Variants in TCF3 observed in about 807,000 individuals in gnomAD.
TCF3 encodes the protein transcription factor E2-alpha.
A neutral mutation model predicts 72.3 loss-of-function variants in TCF3; 54 were observed. The ratio of observed to expected loss-of-function variants is 0.75; its 90% CI spans 0.60 to 0.94. TCF3 has a LOEUF of 0.94. TCF3 is among the 40% of genes least tolerant of loss of function. The pLI is 0.00. For missense variants in TCF3, 1,078 were observed against 934.4 expected (o/e 1.15, Z -2.00); for synonymous variants, 525 against 412.6 (o/e 1.27, Z -3.30).
At position 1,650,202 on chromosome 19, in the gene TCF3, A is replaced by G. The variant is rs2066798734; in HGVS notation, c.47T>C (p.Leu16Pro). 2 of 1,573,294 alleles carry G rather than the reference A, an allele frequency of 1.3e-6. No homozygotes were observed. Among genetic ancestry groups the G allele is most frequent in the African/African-American group, 1.3e-5 (1 of 74,700 alleles). The part of the protein sequence containing the change: ...RMAPVGTDKE[L>P]SDLLDFSMMF... ...CATGCTGAAGTCCAGGAGGTCACTGAGCTCCTTGTCTGTGCCCACAGGCGC... is the reference window on the plus strand; with the variant it reads ...CATGCTGAAGTCCAGGAGGTCACTGGGCTCCTTGTCTGTGCCCACAGGCGC... The change falls in exon 2 of 19, where the codon CTC becomes CCC. Residue 16 changes from leucine to proline, a missense_variant. Physicochemically the swap from Leu to Pro is moderately conservative, Grantham distance 98. Transcript: ENST00000262965.
rs370087169 is a variant in TCF3 at position 1,622,139 on chromosome 19, G to A, written c.737C>T (p.Pro246Leu). 551 of 1,588,250 alleles carry A rather than the reference G, an allele frequency of 3.5e-4. 2 individuals carry two copies. The highest frequency in any genetic ancestry group is 2.3e-3 in the Middle Eastern group (13 of 5,646). ...FGPMLGGGSS[P>L]LPLPPGSGPV... is the part of the protein sequence containing the mutation. ...GCCGCTACCGGGCGGGAGGGGCAGC[G>A]GGGATGAGCCCCCACCCAGCATGGG... The change falls in exon 10 of 19, where the codon CCG (proline) becomes CTG (leucine). Residue 246 changes from proline (P) to leucine (L), a missense_variant. Physicochemically the swap from Pro to Leu is moderately conservative, Grantham distance 98. Transcript: ENST00000262965.
intron 18 of TCF3, among the ~76,000 whole-genome samples, chr19:1,613,225 G>A (rs969321319): frequency 1.3e-5 from 2 of 152,190 alleles, no homozygotes; most frequent in African/African-American, 2.4e-5. Flanking sequence ...CTGGAATGCA[G>A]CAGAGCCCCA....
chr19:1,644,300 G>A (rs1014143212), intron 3 of TCF3, among the ~76,000 whole-genome samples: 6 of 152,222 alleles, frequency 3.9e-5, no homozygotes, highest in Admixed American at 6.5e-5. Context: ...GGGAGTGGAG[G>A]CAATGAGGAG....
intron 3 of TCF3, among the ~76,000 whole-genome samples, chr19:1,636,429 G>T (rs1040906445): frequency 2.6e-5 from 4 of 152,080 alleles, no homozygotes; most frequent in Admixed American, 2.6e-4. Context: ...CCAAAGTGCT[G>T]GGATTACAGG....
rs960965061 is a variant in TCF3 at position 1,622,146 on chromosome 19, A to G, written c.730T>C (p.Ser244Pro). The G allele has an allele frequency of 1.9e-6, 3 of 1,584,686 alleles. No individual in the cohort carries two copies. The highest frequency in any genetic ancestry group is 1.8e-4 in the Middle Eastern group (1 of 5,614). Residue 244 changes from serine to proline, a missense_variant, in exon 10 of 19, where the codon TCA becomes CCA. Coordinates refer to ENST00000262965, the MANE Select transcript of TCF3 (RefSeq NM_003200.5). ...AGFGPMLGGG[S>P]SPLPLPPGSG... is the part of the protein sequence containing the mutation. ...CCGGGCGGGAGGGGCAGCGGGGATG[A>G]GCCCCCACCCAGCATGGGCCCGAAG... is the stretch of plus-strand genomic sequence containing the variant.
Position 1,632,151 on chromosome 19 carries a change from G to A in TCF3, c.220-35C>T, listed in dbSNP as rs778356457. ...ATGGGGTGGGGATGAGAGGTGCTGG[G>A]GCTTCACAGGCCCCCCCTCCACCCC... On this transcript the variant is annotated intron_variant, in intron 4 of 18. Transcript: ENST00000262965. 5.0e-6 allele frequency: 8 copies of A among 1,601,640 alleles called. No individual in the cohort carries two copies. In the East Asian group the frequency reaches 9.1e-5, roughly 18 times the overall value.
At chr19:1,640,693 T>C (rs2065109208) in intron 3 of TCF3, among the ~76,000 whole-genome samples, 1 of 151,600 alleles carries the variant, frequency 6.6e-6, no homozygotes, top group Non-Finnish European at 1.5e-5. Flanking sequence ...TAGTCCCAGC[T>C]ACTAGGGAGG....
In TCF3 at chr19:1,615,394, C is replaced by A; in HGVS notation, c.1713G>T (p.Glu571Asp). Residue 571 changes from glutamate to aspartate, a missense_variant, in exon 18 of 19, where the codon GAG becomes GAT. Glu to Asp is a conservative substitution (Grantham distance 45). Transcript: ENST00000262965. The surrounding 1 kb of genome is among the most constrained non-coding windows in gnomAD (Gnocchi z 7.3). ...GGTGCAGTTGGCACATGCGCCCCAG[C>A]TCCTTAAAGGCCTCGTTGATGTCAC... Reference protein sequence around the residue: ...RVRDINEAFKELGRMCQLHLN... With the variant: ...RVRDINEAFKDLGRMCQLHLN... 1 of 1,614,092 alleles carries A rather than the reference C, an allele frequency of 6.2e-7. No individual in the cohort carries two copies. Among genetic ancestry groups the A allele is most frequent in the East Asian group, 2.2e-5 (1 of 44,876 alleles).
chr19:1,651,528 G>A (rs1045566647), intron 1 of TCF3, among the ~76,000 whole-genome samples: 1 of 152,230 alleles, frequency 6.6e-6, no homozygotes, highest in African/African-American at 2.4e-5. Flanking sequence ...TTGGGGGGGT[G>A]GCGAGCTAAA....
At chr19:1,625,983 C>A (rs79523239) in intron 6 of TCF3, among the ~76,000 whole-genome samples, 4 of 152,218 alleles carry the variant, frequency 2.6e-5, no homozygotes, top group African/African-American at 9.6e-5. Flanking sequence ...GATTCTGAGA[C>A]GCAAAGTACA....
At position 1,632,343 on chromosome 19, in the gene TCF3, C is replaced by G; in HGVS notation, c.208G>C (p.Asp70His). Reference sequence around the variant, plus strand: ...ACGGGGACTCCTACCCGGCTGGGGTCAAAGGAGGAGCTGCTCTGGTCGCCG... The same window carrying G: ...ACGGGGACTCCTACCCGGCTGGGGTGAAAGGAGGAGCTGCTCTGGTCGCCG... ...GSGDQSSSSF[D>H]PSRTFSEGTH... is the part of the protein sequence containing the mutation. Residue 70 changes from aspartate (D) to histidine (H), a missense_variant, in exon 4 of 19, where the codon GAC becomes CAC. Asp to His is a moderately conservative substitution (Grantham distance 81). Transcript: ENST00000262965. 6.3e-7 allele frequency: 1 copy of G among 1,588,748 alleles called. No individual in the cohort carries two copies. Among genetic ancestry groups the G allele is most frequent in the Non-Finnish European group, 8.6e-7 (1 of 1,167,764 alleles).
chr19:1,619,714 C>T, intron 14 of TCF3, 66 bp downstream of exon 14: 1 of 1,342,666 alleles, frequency 7.4e-7, no homozygotes, highest in Non-Finnish European at 1.0e-6. Flanking sequence ...GTTTCTCCTT[C>T]TCAAGGAGCG....
In TCF3 at chr19:1,615,612, G is replaced by A. The variant is rs776399176; in HGVS notation, c.1586+74C>T. 82 of 1,609,464 alleles carry A rather than the reference G, an allele frequency of 5.1e-5. No homozygotes were observed. The highest frequency in any genetic ancestry group is 4.9e-4 in the Middle Eastern group (3 of 6,070). ...GCCGACGGCCTCCCAGTGTGGGTGC[G>A]GTGTGCGTGTGGCCTGTGCACATGT... On this transcript the variant is annotated intron_variant, in intron 17 of 18. Transcript: ENST00000262965. The surrounding 1 kb of genome is among the most constrained non-coding windows in gnomAD (Gnocchi z 7.3).
chr19:1,637,547 T>C (rs1023144158), intron 3 of TCF3, among the ~76,000 whole-genome samples: 1 of 151,888 alleles, frequency 6.6e-6, no homozygotes, highest in Non-Finnish European at 1.5e-5. Context: ...CTTGCTTCCA[T>C]GTCTATGGGC....
rs1427937196 is a variant in TCF3, at chr19:1,610,301, G to A, written c.*1406C>T. 1 of 232,012 alleles carries A rather than the reference G, an allele frequency of 4.3e-6. No individual in the cohort carries two copies. Among genetic ancestry groups the A allele is most frequent in the African/African-American group, 2.2e-5 (1 of 45,224 alleles). The allele number at this position is 232,012 out of a possible 1,614,324, so 14.4% of individuals were successfully genotyped here. A position where few individuals can be genotyped will look rare whatever the true frequency, so the allele number is the denominator to read the frequency against. On this transcript the variant is annotated 3_prime_UTR_variant, in exon 19 of 19. Coordinates refer to ENST00000262965, the MANE Select transcript of TCF3 (RefSeq NM_003200.5). Reference sequence around the variant, plus strand: ...GCCACTCTTGCCCTTGGACCACACAGAGGGAGGGCAGCAGGTGTGGCCCCA... The same window carrying A: ...GCCACTCTTGCCCTTGGACCACACAAAGGGAGGGCAGCAGGTGTGGCCCCA...
chr19:1,652,033 G>C (rs1268041224), intron 1 of TCF3, among the ~76,000 whole-genome samples: 2 of 150,214 alleles, frequency 1.3e-5, no homozygotes, highest in Non-Finnish European at 3.0e-5. Flanking sequence ...GCCCCCGCCC[G>C]GGGCTGCTTA....
chr19:1,619,758 G>GTGGGA (rs1568358295), intron 14 of TCF3, 22 bp downstream of exon 14: 5 of 1,541,882 alleles, frequency 3.2e-6, no homozygotes, highest in South Asian at 1.2e-5. Context: ...GAAGGGTGGG[G>GTGGGA]TGGGGCGGGG....
chr19:1,646,486 C>A (rs922648371), intron 2 of TCF3, 59 bp from the exon 3 acceptor site: 3 of 1,495,754 alleles, frequency 2.0e-6, no homozygotes, highest in Non-Finnish European at 2.7e-6. Flanking sequence ...CCCTACAGTC[C>A]CGGGTTCAAA....
chr19:1,619,827 C>T lies in TCF3; in HGVS notation c.1120G>A (p.Ala374Thr), dbSNP rs1267602608. 5.1e-6 allele frequency: 8 copies of T among 1,578,414 alleles called. No homozygotes were observed. Among genetic ancestry groups the T allele is most frequent in the Admixed American group, 1.8e-5 (1 of 55,262 alleles). Residue 374 changes from alanine (A) to threonine (T), a missense_variant, in exon 14 of 19, where the codon GCC (alanine) becomes ACC (threonine). By Grantham distance (58) the Ala-to-Thr change is moderately conservative. Coordinates refer to ENST00000262965, the MANE Select transcript of TCF3 (RefSeq NM_003200.5). The stretch of plus-strand genomic sequence containing the variant: ...TAGCTGGGCGATAAGGCACCGGGGG[C>T]TCCTGCTCGAGGCCACTGTGACGTT... ...AGTSQWPRAG[A>T]PGALSPSYDG...
Sources: gnomAD v4.1 joint callset for allele counts (sites outside exome capture counted in the v4.1 genomes callset) on GRCh38, gnomAD v4.1.1 for gene constraint, Gnocchi (gnomAD v3.1) non-coding constraint, MANE v1.5 for transcripts, NCBI Gene and HGNC (gene_info 2026-07-23, HGNC 2026-07-21) for gene names.